The following AP2B1 variants were observed in gnomAD, a reference collection of about 807,000 sequenced individuals.
AP2B1 encodes AP-2 complex subunit beta.
A neutral mutation model predicts 102.0 loss-of-function variants in AP2B1; 23 were observed. The observed-to-expected ratio is 0.23, with a 90% CI of 0.16 to 0.32. AP2B1 has a LOEUF of 0.32. Ranked by LOEUF, AP2B1 falls within the 10% of genes least tolerant of loss-of-function variation. The probability of loss-of-function intolerance (pLI) is 1.00; values close to 1 mark genes in which losing one functional copy is unlikely to be tolerated. For missense variants in AP2B1, 541 were observed against 1,157.4 expected (o/e 0.47, Z 7.73); for synonymous variants, 381 against 421.2 (o/e 0.90, Z 1.17).
chr17:35,613,415 T>A (rs1399863687), intron 5 of AP2B1, among the ~76,000 whole-genome samples: 1 of 152,094 alleles, frequency 6.6e-6, no homozygotes, highest in African/African-American at 2.4e-5. Flanking sequence ...GTTTCCTGTG[T>A]TTTGCAGAGA....
intron 17 of AP2B1, among the ~76,000 whole-genome samples, chr17:35,675,520 C>T (rs2075680019): frequency 6.6e-6 from 1 of 151,980 alleles, no homozygotes; most frequent in African/African-American, 2.4e-5. Context: ...TGTTAAAGGC[C>T]AGGGCTGTTG....
intron 14 of AP2B1, among the ~76,000 whole-genome samples, chr17:35,663,957 A>G (rs1048600159): frequency 1.3e-5 from 2 of 152,170 alleles, no homozygotes; most frequent in Non-Finnish European, 2.9e-5. Context: ...TATTTATTTA[A>G]AGACAGGGTC....
In AP2B1 at chr17:35,723,798, T is replaced by G. The variant is rs1279861264; in HGVS notation, c.*99T>G. 3 of 864,464 alleles carry G rather than the reference T, an allele frequency of 3.5e-6. No homozygotes were observed. Among genetic ancestry groups the G allele is most frequent in the Non-Finnish European group, 5.8e-6 (3 of 516,226 alleles). 53.5% of individuals were successfully genotyped at this position (864,464 alleles called of 1,614,324 possible). A position where few individuals can be genotyped will look rare whatever the true frequency, so the allele number is the denominator to read the frequency against. ...ATTGCTGCGTAGAATCTGAACACAC[T>G]GAGGCCACCTAGCAAGGTAGTAACT... is the stretch of plus-strand genomic sequence containing the variant. On this transcript the variant is annotated 3_prime_UTR_variant, in exon 22 of 22. Transcript: ENST00000610402.
intron 20 of AP2B1, 76 bp downstream of exon 20, chr17:35,710,396 G>T (rs1449648130): frequency 1.5e-5 from 16 of 1,059,894 alleles, no homozygotes; most frequent in Non-Finnish European, 2.0e-5. Context: ...TCTTTCTTTT[G>T]CCTACCCTTT....
At position 35,650,947 on chromosome 17, in the gene AP2B1, C is replaced by A. The variant is rs138274491; in HGVS notation, c.1796+158C>A. 1,353 of 775,748 alleles carry A rather than the reference C, an allele frequency of 1.7e-3. 4 individuals carry two copies. The highest frequency in any genetic ancestry group is 2.2e-3 in the Non-Finnish European group (1,083 of 492,246). The allele number at this position is 775,748 out of a possible 1,614,324, so 48.1% of individuals were successfully genotyped here. ...AGAACTGCTGTACATTTTTGGACAC[C>A]TACTACTATACAACCCCAGGGAGCT... On this transcript the variant is annotated intron_variant, in intron 13 of 21. Coordinates refer to ENST00000610402, the MANE Select transcript of AP2B1 (RefSeq NM_001030006.2).
At chr17:35,681,540 A>T (rs1451916430) in intron 17 of AP2B1, among the ~76,000 whole-genome samples, 1 of 152,182 alleles carries the variant, frequency 6.6e-6, no homozygotes, top group Non-Finnish European at 1.5e-5. Flanking sequence ...AGTAGCTAGG[A>T]CTACAGGCGT....
chr17:35,683,329 T>G (rs1306981828), intron 18 of AP2B1, among the ~76,000 whole-genome samples: 1 of 152,268 alleles, frequency 6.6e-6, no homozygotes, highest in African/African-American at 2.4e-5. Context: ...ATATTCATTC[T>G]TTTACTCAAC....
chr17:35,706,847 T>C (rs1598337569), intron 18 of AP2B1, among the ~76,000 whole-genome samples: 2 of 152,170 alleles, frequency 1.3e-5, no homozygotes, highest in African/African-American at 4.8e-5. Flanking sequence ...GAGATGGGGT[T>C]TCACCATCTG....
At chr17:35,712,119 G>T (rs1202222245) in intron 20 of AP2B1, among the ~76,000 whole-genome samples, 2 of 152,112 alleles carry the variant, frequency 1.3e-5, no homozygotes, top group African/African-American at 4.8e-5. Flanking sequence ...AATTAATTCA[G>T]TAATAATTGA....
chr17:35,625,968 C>A (rs187912737), intron 6 of AP2B1, among the ~76,000 whole-genome samples: 13 of 152,214 alleles, frequency 8.5e-5, no homozygotes, highest in Non-Finnish European at 1.9e-4. Context: ...GAACCCTCAA[C>A]AGATAATTAA....
At chr17:35,599,881 G>A (rs1269354402) in intron 3 of AP2B1, among the ~76,000 whole-genome samples, 1 of 152,082 alleles carries the variant, frequency 6.6e-6, no homozygotes, top group East Asian at 1.9e-4. Context: ...CTGCACTCCA[G>A]CTTAGGCAAC....
At chr17:35,657,157 C>G (rs1188725386) in intron 13 of AP2B1, among the ~76,000 whole-genome samples, 1 of 152,126 alleles carries the variant, frequency 6.6e-6, no homozygotes. Flanking sequence ...CATATCCTAT[C>G]AATTATGCAG....
At chr17:35,626,966 A>G in intron 7 of AP2B1, 124 bp downstream of exon 7, 1 of 966,274 alleles carries the variant, frequency 1.0e-6, no homozygotes, top group Non-Finnish European at 1.5e-6. Context: ...GTTATATGGC[A>G]GAAAAACTTG....
At chr17:35,719,841 A>T (rs2085303389) in intron 21 of AP2B1, among the ~76,000 whole-genome samples, 1 of 151,912 alleles carries the variant, frequency 6.6e-6, no homozygotes, top group Non-Finnish European at 1.5e-5. Context: ...ATTAAAACAT[A>T]TTTTTTTTAA....
chr17:35,627,371 T>G lies in AP2B1; in HGVS notation c.939-14T>G, dbSNP rs372031255. 6.2e-7 allele frequency: 1 copy of G among 1,612,332 alleles called. No individual in the cohort carries two copies. The highest frequency in any genetic ancestry group is 1.9e-4 in the Middle Eastern group (1 of 5,268). ...TGCCTTCACCTTCCTTTCTTCTGTTTCTGTGTACCCTAGGCCTGAAATCTT... is the reference window on the plus strand; with the variant it reads ...TGCCTTCACCTTCCTTTCTTCTGTTGCTGTGTACCCTAGGCCTGAAATCTT... On this transcript the variant is annotated splice_polypyrimidine_tract_variant and intron_variant, in intron 7 of 21. Transcript: ENST00000610402.
At chr17:35,601,732 G>T (rs1397354504) in intron 3 of AP2B1, among the ~76,000 whole-genome samples, 2 of 151,992 alleles carry the variant, frequency 1.3e-5, no homozygotes, top group African/African-American at 4.8e-5. Context: ...AATAAATCTG[G>T]ATTGAAAACA....
Position 35,635,377 on chromosome 17 carries a change from C to CTTTGT in AP2B1, c.1156-945_1156-941dup, listed in dbSNP as rs151078152. On this transcript the variant is annotated intron_variant, in intron 9 of 21. Transcript: ENST00000610402. The stretch of plus-strand genomic sequence containing the variant: ...GCCATAATGGTAGTTTTTTGTTTTG[C>CTTTGT]TTTGTTTTGTTTTGTTTTGTTTTTT... Among the ~76,000 whole-genome samples, 219 of 151,610 alleles carry CTTTGT rather than the reference C, an allele frequency of 1.4e-3. 1 individual carries two copies. Among genetic ancestry groups the CTTTGT allele is most frequent in the African/African-American group, 5.0e-3 (209 of 41,406 alleles).
At position 35,717,195 on chromosome 17, in the gene AP2B1, A is replaced by C. The variant is rs1555590364; in HGVS notation, c.2627A>C (p.Asp876Ala). ...TTGGATTTTGAATCTGTATTTCTAG[A>C]CACTGTTTCCAGCAAGTTGCAAAAC... is the stretch of plus-strand genomic sequence containing the variant. ...FQIKECHLNA[D>A]TVSSKLQNNN... The change falls in exon 21 of 22, where the codon GAC (aspartate) becomes GCC (alanine). Residue 876 changes from aspartate (D) to alanine (A), a missense_variant and splice_region_variant. Coordinates refer to ENST00000610402, the MANE Select transcript of AP2B1 (RefSeq NM_001030006.2). 6.2e-7 allele frequency: 1 copy of C among 1,613,478 alleles called. No individual in the cohort carries two copies. Among genetic ancestry groups the C allele is most frequent in the Non-Finnish European group, 8.5e-7 (1 of 1,179,750 alleles).
intron 1 of AP2B1, among the ~76,000 whole-genome samples, chr17:35,591,652 C>T (rs1018475911): frequency 6.6e-6 from 1 of 152,154 alleles, no homozygotes; most frequent in Non-Finnish European, 1.5e-5. Context: ...CTCAAGTAAT[C>T]GTTTCTGTTT....
Sources: allele counts gnomAD v4.1 joint callset (sites outside exome capture counted in the v4.1 genomes callset), GRCh38; gene constraint gnomAD v4.1.1; transcripts MANE v1.5; gene names NCBI Gene and HGNC (gene_info 2026-07-23, HGNC 2026-07-21).